USP24: variants seen among roughly 807,000 people sequenced by gnomAD.
The protein encoded by USP24 is ubiquitin specific peptidase 24.
A neutral mutation model predicts 361.6 loss-of-function variants in USP24; 97 were observed. The ratio of observed to expected loss-of-function variants is 0.27; its 90% confidence interval spans 0.23 to 0.32. USP24 has a LOEUF of 0.32. USP24 is among the 10% of genes least tolerant of loss of function. USP24 has a pLI of 1.00. For missense variants in USP24, 2,353 were observed against 3,165.6 expected (o/e 0.74, Z 6.16); for synonymous variants, 1,098 against 1,124.6 (o/e 0.98, Z 0.47).
chr1:55,181,556 G>A (rs1643966826), intron 1 of USP24, among the ~76,000 whole-genome samples: 1 of 152,056 alleles, frequency 6.6e-6, no homozygotes, highest in African/African-American at 2.4e-5. Flanking sequence ...TATTACCTTA[G>A]GATTAAAGTG....
chr1:55,084,249 C>T (rs1374392638), intron 56 of USP24: 6 of 188,614 alleles, frequency 3.2e-5, no homozygotes, highest in Admixed American at 1.2e-4. Context: ...CCCTCCACTA[C>T]GTTACTTCTT....
intron 54 of USP24, 83 bp from the exon 55 acceptor site, chr1:55,089,823 T>C (rs1645335553): frequency 1.1e-6 from 1 of 899,988 alleles, no homozygotes; most frequent in South Asian, 1.7e-5. Flanking sequence ...TTGGTTCTTA[T>C]CCTTTCTATC....
chr1:55,118,462 G>C (rs1570452403), intron 38 of USP24, among the ~76,000 whole-genome samples: 1 of 152,220 alleles, frequency 6.6e-6, no homozygotes, highest in South Asian at 2.1e-4. Flanking sequence ...AACTCAAAAT[G>C]GATGAAACAC....
chr1:55,142,938 G>C, intron 22 of USP24, 41 bp downstream of exon 22: 3 of 1,455,220 alleles, frequency 2.1e-6, no homozygotes, highest in Non-Finnish European at 2.8e-6. Flanking sequence ...ATAATTTTCT[G>C]CTTTTTTGTA....
In USP24 at chr1:55,178,150, A is replaced by G; in HGVS notation, c.325-18T>C. The G allele has an allele frequency of 6.8e-7, 1 of 1,464,258 alleles. No individual in the cohort carries two copies. Among genetic ancestry groups the G allele is most frequent in the Non-Finnish European group, 9.0e-7 (1 of 1,111,758 alleles). 90.7% of individuals were successfully genotyped at this position (1,464,258 alleles called of 1,614,324 possible). A position where few individuals can be genotyped will look rare whatever the true frequency, so the allele number is the denominator to read the frequency against. The stretch of plus-strand genomic sequence containing the variant: ...TCATTCTTCTGACGAAAAGGGATTA[A>G]GATAAAAAGCAAATAAAACTAATTA... On this transcript the variant is annotated intron_variant, in intron 1 of 67. Coordinates refer to ENST00000294383, the MANE Select transcript of USP24 (RefSeq NM_015306.3).
chr1:55,214,276 G>A (rs1303775408), intron 1 of USP24, among the ~76,000 whole-genome samples: 2 of 151,318 alleles, frequency 1.3e-5, no homozygotes, highest in African/African-American at 2.4e-5. Context: ...TCCTGTCAAA[G>A]ACCACTACTC....
intron 55 of USP24, among the ~76,000 whole-genome samples, chr1:55,087,967 C>G (rs190761868): frequency 6.6e-6 from 1 of 152,240 alleles, no homozygotes; most frequent in East Asian, 1.9e-4. Flanking sequence ...GTTCAAGGAA[C>G]CAATGAGCCA....
intron 55 of USP24, among the ~76,000 whole-genome samples, chr1:55,086,946 T>A (rs1307616677): frequency 1.3e-5 from 2 of 152,198 alleles, no homozygotes; most frequent in Admixed American, 6.5e-5. Flanking sequence ...ATGTAAAGTA[T>A]CCTTCATGTT....
chr1:55,176,811 A>G (rs1464174057), intron 2 of USP24, among the ~76,000 whole-genome samples: 1 of 152,168 alleles, frequency 6.6e-6, no homozygotes, highest in Non-Finnish European at 1.5e-5. Flanking sequence ...ATTTCCCTAA[A>G]AAGTTCTATA....
Position 55,069,016 on chromosome 1 carries a change from T to G in USP24, c.*29A>C. On this transcript the variant is annotated 3_prime_UTR_variant, in exon 68 of 68. Coordinates refer to ENST00000294383, the MANE Select transcript of USP24 (RefSeq NM_015306.3). ...GGTGCTGAGCATCCAGTATTGTGTC[T>G]TGACTCCTCTCAGGCTGGGCATGTT... 6.2e-7 allele frequency: 1 copy of G among 1,613,102 alleles called. No individual in the cohort carries two copies. The highest frequency in any genetic ancestry group is 8.5e-7 in the Non-Finnish European group (1 of 1,179,048).
intron 32 of USP24, among the ~76,000 whole-genome samples, chr1:55,128,881 T>C (rs1027568707): frequency 1.3e-5 from 2 of 151,838 alleles, no homozygotes; most frequent in South Asian, 4.2e-4. Context: ...CACTCAACTA[T>C]TTTTTTATTT....
At chr1:55,081,024 G>A (rs1645138915) in intron 59 of USP24, among the ~76,000 whole-genome samples, 2 of 151,998 alleles carry the variant, frequency 1.3e-5, no homozygotes, top group South Asian at 2.1e-4. Flanking sequence ...ACACAGTAGT[G>A]GTTCAAATTA....
chr1:55,109,282 C>T (rs1645882474), intron 39 of USP24, among the ~76,000 whole-genome samples: 1 of 152,196 alleles, frequency 6.6e-6, no homozygotes, highest in African/African-American at 2.4e-5. Context: ...TGGCCACCTC[C>T]TGTTTTTGAC....
chr1:55,143,204 TGA>T (rs2100695674), intron 21 of USP24, 85 bp from the exon 22 acceptor site: 1 of 1,007,478 alleles, frequency 9.9e-7, no homozygotes, highest in East Asian at 2.8e-5. Context: ...TGTTACATCA[TGA>T]GTCCACACCT....
rs1462305513 is a variant in USP24, at chr1:55,108,899, CT to C, written c.4570+1285del. Among the ~76,000 whole-genome samples the C allele has an allele frequency of 2.0e-5, 3 of 152,370 alleles. No homozygotes were observed. In the East Asian group the frequency reaches 5.8e-4, roughly 29 times the overall value. ...CACTTCGCTAGATCCAACAGATCTTCTCTCTGAATCAAGACACACTCTCACA... is the reference window on the plus strand; with the variant it reads ...CACTTCGCTAGATCCAACAGATCTTCCTCTGAATCAAGACACACTCTCACA... On this transcript the variant is annotated intron_variant, in intron 39 of 67. Transcript: ENST00000294383.
At chr1:55,147,093 C>T (rs1647048245) in intron 18 of USP24, 33 bp from the exon 19 acceptor site, 3 of 1,502,640 alleles carry the variant, frequency 2.0e-6, no homozygotes, top group Admixed American at 2.4e-5. Flanking sequence ...TTAGTTAACT[C>T]CAGGCATTCA....
intron 5 of USP24, among the ~76,000 whole-genome samples, chr1:55,167,645 T>G (rs1006212860): frequency 6.6e-6 from 1 of 152,080 alleles, no homozygotes; most frequent in Non-Finnish European, 1.5e-5. Context: ...GTGCAGTGTC[T>G]AGATAGTTCA....
intron 20 of USP24, among the ~76,000 whole-genome samples, chr1:55,144,882 C>T (rs1269518467): frequency 6.6e-6 from 1 of 152,114 alleles, no homozygotes; most frequent in African/African-American, 2.4e-5. Context: ...TGCAGTGAGC[C>T]AGGATGGTGC....
At chr1:55,097,871 T>C in intron 47 of USP24, 72 bp downstream of exon 47, 1 of 1,533,864 alleles carries the variant, frequency 6.5e-7, no homozygotes, top group Non-Finnish European at 8.7e-7. Context: ...TAATACTGAT[T>C]TTACATAAAA....
Sources: gnomAD v4.1 joint callset for allele counts (sites outside exome capture counted in the v4.1 genomes callset) on GRCh38, gnomAD v4.1.1 for gene constraint, MANE v1.5 for transcripts, NCBI Gene and HGNC (gene_info 2026-07-23, HGNC 2026-07-21) for gene names.